GKAP1: variants seen among roughly 807,000 people sequenced by gnomAD.
The protein encoded by GKAP1 is G kinase-anchoring protein 1.
A neutral mutation model predicts 56.7 loss-of-function variants in GKAP1; 31 were observed. That is an observed-to-expected ratio of 0.55 (90% confidence interval 0.41 to 0.74). The LOEUF is 0.74. Among genes scored for constraint, GKAP1 ranks in the 30% least tolerant of loss-of-function variants. GKAP1 has a pLI of 0.00. For missense variants in GKAP1, 364 were observed against 402.3 expected (o/e 0.90, Z 0.82); for synonymous variants, 151 against 138.6 (o/e 1.09, Z -0.63).
At chr9:83,779,426 CATATAT>C (rs141709042) in intron 7 of GKAP1, among the ~76,000 whole-genome samples, 11 of 92,962 alleles carry the variant, frequency 1.2e-4, no homozygotes, top group East Asian at 3.6e-4. Context: ...GGTCAGAAGC[CATATAT>C]ATATATATAT....
At chr9:83,796,411 T>C (rs760243552) in intron 4 of GKAP1, among the ~76,000 whole-genome samples, 1 of 152,232 alleles carries the variant, frequency 6.6e-6, no homozygotes, top group East Asian at 1.9e-4. Context: ...CTGGTCCTTC[T>C]AATTAAGTTT....
At chr9:83,761,466 A>C (rs1943570185) in intron 8 of GKAP1, among the ~76,000 whole-genome samples, 1 of 152,166 alleles carries the variant, frequency 6.6e-6, no homozygotes, top group Admixed American at 6.5e-5. Context: ...CAATGGCTTC[A>C]CTGCTGAATT....
chr9:83,799,413 A>G, intron 3 of GKAP1, 85 bp from the exon 4 acceptor site: 3 of 966,498 alleles, frequency 3.1e-6, no homozygotes, highest in Non-Finnish European at 3.1e-6. Flanking sequence ...AAAACCAATG[A>G]TATTTTTATA....
chr9:83,772,589 A>G (rs964665349), intron 7 of GKAP1, among the ~76,000 whole-genome samples: 54 of 152,184 alleles, frequency 3.5e-4, no homozygotes, highest in Non-Finnish European at 6.0e-4. Flanking sequence ...GACACAATTA[A>G]AAAACCAAAA....
chr9:83,774,527 G>A (rs1366399514), intron 7 of GKAP1, among the ~76,000 whole-genome samples: 1 of 151,234 alleles, frequency 6.6e-6, no homozygotes, highest in African/African-American at 2.4e-5. Flanking sequence ...CTGGGAGGCA[G>A]AGGTTGCAGT....
In GKAP1 at chr9:83,748,328, T is replaced by C. The variant is rs1196849710; in HGVS notation, c.885A>G (p.Lys295=). 2.1e-5 allele frequency: 34 copies of C among 1,598,456 alleles called. No homozygotes were observed. The highest frequency in any genetic ancestry group is 2.8e-5 in the Non-Finnish European group (33 of 1,170,282). The change falls in exon 10 of 13, where the codon AAA becomes AAG. Residue 295 remains lysine, a synonymous_variant. Coordinates refer to ENST00000376371, the MANE Select transcript of GKAP1 (RefSeq NM_025211.4). ...EVKARNAQLL[K]MLQEGEMKDK... ...ACTTACTTTCACCTTCCTGAAGCAT[T>C]TTCAATAATTGTGCATTTCTTGCCT...
chr9:83,769,375 G>GC (rs372548992), intron 7 of GKAP1, among the ~76,000 whole-genome samples: 11 of 152,062 alleles, frequency 7.2e-5, no homozygotes, highest in African/African-American at 2.7e-4. Flanking sequence ...GTACCCATTA[G>GC]CCGTCACTCC....
At chr9:83,797,901 T>C (rs1944273183) in intron 4 of GKAP1, among the ~76,000 whole-genome samples, 3 of 152,174 alleles carry the variant, frequency 2.0e-5, no homozygotes, top group Admixed American at 6.5e-5. Flanking sequence ...AAGTAGATCA[T>C]CAAAACATTT....
At chr9:83,749,852 G>A (rs1227618636) in intron 9 of GKAP1, among the ~76,000 whole-genome samples, 4 of 152,214 alleles carry the variant, frequency 2.6e-5, no homozygotes, top group South Asian at 2.1e-4. Context: ...GAATATAAAC[G>A]TAGAAAGACT....
At chr9:83,796,041 T>TTAAAATTAG (rs1233698640) in intron 4 of GKAP1, among the ~76,000 whole-genome samples, 1 of 152,240 alleles carries the variant, frequency 6.6e-6, no homozygotes. Context: ...AATTAGAATC[T>TTAAAATTAG]AATTCTTAAA....
At chr9:83,799,389 T>A in intron 3 of GKAP1, 61 bp from the exon 4 acceptor site, 2 of 1,209,616 alleles carry the variant, frequency 1.7e-6, no homozygotes, top group South Asian at 1.4e-5. Context: ...ACTAATGATT[T>A]TTTTAATTAA....
At chr9:83,739,899 A>G (rs1480194202) in intron 12 of GKAP1, among the ~76,000 whole-genome samples, 155 bp from the exon 13 acceptor site, 1 of 152,134 alleles carries the variant, frequency 6.6e-6, no homozygotes, top group African/African-American at 2.4e-5. Context: ...ATACTGTTAC[A>G]TTATTTTAAT....
intron 9 of GKAP1, among the ~76,000 whole-genome samples, chr9:83,749,574 A>C (rs1943352495): frequency 6.6e-6 from 1 of 152,228 alleles, no homozygotes; most frequent in African/African-American, 2.4e-5. Context: ...TAGAGAAAAC[A>C]AAGCATTTAA....
intron 2 of GKAP1, among the ~76,000 whole-genome samples, chr9:83,809,651 C>A (rs295284): frequency 0.45 from 68,906 of 152,044 alleles, 16,536 homozygotes; most frequent in African/African-American, 0.61. Context: ...TATATTTTTA[C>A]CCATTTGCCA....
chr9:83,752,575 C>G (rs1054417425), intron 9 of GKAP1, among the ~76,000 whole-genome samples: 1 of 152,050 alleles, frequency 6.6e-6, no homozygotes, highest in African/African-American at 2.4e-5. Flanking sequence ...ATGGGGAGTT[C>G]TTTGTGGGTT....
chr9:83,805,071 T>A (rs1390465413), intron 3 of GKAP1, among the ~76,000 whole-genome samples: 2 of 152,186 alleles, frequency 1.3e-5, no homozygotes, highest in Non-Finnish European at 2.9e-5. Flanking sequence ...ATGGTTGCCG[T>A]GTCTGTGTAG....
chr9:83,765,613 C>T (rs975651416), intron 8 of GKAP1, among the ~76,000 whole-genome samples: 1 of 152,224 alleles, frequency 6.6e-6, no homozygotes, highest in Admixed American at 6.5e-5. Flanking sequence ...TGCCCAACAC[C>T]ATGGGAGCAC....
intron 8 of GKAP1, among the ~76,000 whole-genome samples, chr9:83,753,616 A>G (rs1291651327): frequency 6.6e-6 from 1 of 152,236 alleles, no homozygotes; most frequent in East Asian, 1.9e-4. Flanking sequence ...ATCCTGGAAC[A>G]AACATATTAA....
At chr9:83,748,168 T>C in intron 10 of GKAP1, 141 bp downstream of exon 10, 6 of 521,640 alleles carry the variant, frequency 1.2e-5, no homozygotes, top group Non-Finnish European at 1.7e-5. Flanking sequence ...TATTTTGAAA[T>C]ATACAAATTA....
Sources: allele counts gnomAD v4.1 joint callset (sites outside exome capture counted in the v4.1 genomes callset), GRCh38; gene constraint gnomAD v4.1.1; transcripts MANE v1.5; gene names NCBI Gene and HGNC (gene_info 2026-07-23, HGNC 2026-07-21).